Variants in AMN1 observed in about 807,000 individuals in gnomAD.
The protein encoded by AMN1 is antagonist of mitotic exit network 1 homolog.
AMN1 carries 20 observed loss-of-function variants against 33.0 expected under a neutral mutation model. The ratio of observed to expected loss-of-function variants is 0.61; its 90% confidence interval spans 0.43 to 0.88. The LOEUF (loss-of-function observed/expected upper bound fraction) is 0.88. AMN1 is among the 40% of genes least tolerant of loss of function. AMN1 has a pLI of 0.00. For missense variants in AMN1, 246 were observed against 307.4 expected, an observed-to-expected ratio of 0.80 and a Z score of 1.49; for synonymous variants, 114 against 111.9, an observed-to-expected ratio of 1.02 and a Z score of -0.12.
At chr12:31,676,507 A>G (rs866225454) in intron 6 of AMN1, among the ~76,000 whole-genome samples, 8 of 150,940 alleles carry the variant, frequency 5.3e-5, no homozygotes, top group African/African-American at 1.5e-4. Flanking sequence ...TATTTTTAGT[A>G]GAGATGGGGT....
chr12:31,675,558 T>G (rs574174507), intron 6 of AMN1, among the ~76,000 whole-genome samples: 2 of 151,618 alleles, frequency 1.3e-5, no homozygotes, highest in East Asian at 3.9e-4. Flanking sequence ...TTCAATGATG[T>G]GATCTTGGCT....
intron 6 of AMN1, among the ~76,000 whole-genome samples, chr12:31,680,181 A>AC (rs1429426613): frequency 2.7e-5 from 4 of 148,974 alleles, no homozygotes; most frequent in African/African-American, 1.0e-4. Context: ...TGTAACATCT[A>AC]TAAAACTATA....
At chr12:31,718,919 A>G (rs1263225974) in intron 1 of AMN1, among the ~76,000 whole-genome samples, 1 of 152,226 alleles carries the variant, frequency 6.6e-6, no homozygotes, top group Non-Finnish European at 1.5e-5. Flanking sequence ...CCCCCCGCCA[A>G]GCTCCCACAT....
rs1951288943 is a variant in AMN1, at chr12:31,672,280, G to A, written c.*24C>T. 6.5e-7 allele frequency: 1 copy of A among 1,530,202 alleles called. No homozygotes were observed. Among genetic ancestry groups the A allele is most frequent in the Admixed American group, 1.9e-5 (1 of 52,358 alleles). 94.8% of individuals were successfully genotyped at this position (1,530,202 alleles called of 1,614,324 possible). On this transcript the variant is annotated 3_prime_UTR_variant, in exon 7 of 7. Transcript: ENST00000281471. ...AAAGTAGTTTTGATAAGCTTTCCTA[G>A]CATTGATCATCTTCAAAAAAGCATC...
At chr12:31,709,266 T>C in intron 2 of AMN1, 27 bp downstream of exon 2, 1 of 1,608,554 alleles carries the variant, frequency 6.2e-7, no homozygotes, top group Non-Finnish European at 8.5e-7. Flanking sequence ...TATAATATGC[T>C]TGCTTTACAG....
chr12:31,727,944 G>T (rs1433693177), intron 1 of AMN1, among the ~76,000 whole-genome samples: 2 of 152,090 alleles, frequency 1.3e-5, no homozygotes, highest in African/African-American at 4.8e-5. Context: ...TGCTGGCTAG[G>T]CTGGTCTCCA....
At chr12:31,697,310 A>G in intron 5 of AMN1, 51 bp downstream of exon 5, 1 of 1,504,816 alleles carries the variant, frequency 6.6e-7, no homozygotes, top group Non-Finnish European at 9.2e-7. Flanking sequence ...CATAATTTCT[A>G]AGAATATAAA....
At chr12:31,717,526 G>T (rs191418888) in intron 1 of AMN1, among the ~76,000 whole-genome samples, 1 of 152,308 alleles carries the variant, frequency 6.6e-6, no homozygotes, top group Non-Finnish European at 1.5e-5. Context: ...TCGTTATGAA[G>T]AAAGATTAAA....
intron 2 of AMN1, among the ~76,000 whole-genome samples, chr12:31,708,334 T>C (rs148137417): frequency 2.2e-4 from 33 of 152,244 alleles, no homozygotes; most frequent in Non-Finnish European, 3.7e-4. Context: ...GTCTGTCCTA[T>C]GCGGTTGAGA....
intron 1 of AMN1, among the ~76,000 whole-genome samples, chr12:31,711,841 CCTCT>C (rs1322874314): frequency 2.0e-5 from 3 of 152,118 alleles, no homozygotes; most frequent in East Asian, 3.8e-4. Flanking sequence ...CATTAATCAA[CCTCT>C]CTCTATGCCG....
chr12:31,700,978 C>G (rs1270562289), intron 3 of AMN1, among the ~76,000 whole-genome samples: 2 of 151,580 alleles, frequency 1.3e-5, no homozygotes, highest in African/African-American at 4.9e-5. Context: ...CGTGAGCCAA[C>G]ACGCCTGGCC....
chr12:31,696,404 G>A (rs1240433500), intron 5 of AMN1, among the ~76,000 whole-genome samples: 1 of 151,850 alleles, frequency 6.6e-6, no homozygotes, highest in Non-Finnish European at 1.5e-5. Context: ...GCACCACTGT[G>A]CCCTATTAAA....
chr12:31,719,450 C>A (rs1403509689), intron 1 of AMN1: 1 of 260,246 alleles, frequency 3.8e-6, no homozygotes, highest in Non-Finnish European at 6.0e-6. Context: ...TACAATTATA[C>A]ACATATAAAA....
chr12:31,675,804 G>A (rs774225881), intron 6 of AMN1, among the ~76,000 whole-genome samples: 4 of 151,684 alleles, frequency 2.6e-5, no homozygotes, highest in Non-Finnish European at 4.4e-5. Flanking sequence ...ACCGTTACCC[G>A]CCAGGATGTC....
Position 31,709,295 on chromosome 12 carries a change from C to T in AMN1, c.169G>A (p.Glu57Lys). The T allele has an allele frequency of 6.2e-7, 1 of 1,613,318 alleles. No homozygotes were observed. The highest frequency in any genetic ancestry group is 1.1e-5 in the South Asian group (1 of 90,996). The change falls in exon 2 of 7, where the codon GAG becomes AAG. Residue 57 changes from glutamate to lysine, a missense_variant and splice_region_variant. By Grantham distance (56) the Glu-to-Lys change is moderately conservative. Transcript: ENST00000281471. Reference protein sequence around the residue: ...QGQITDSNISEILHPEVQTLD... With the variant: ...QGQITDSNISKILHPEVQTLD... ...TTTACAGTTATTCATACTCTTACCT[C>T]ACTTATATTTGAATCTGTTATCTGT...
At chr12:31,716,344 C>A (rs182785165) in intron 1 of AMN1, among the ~76,000 whole-genome samples, 1 of 152,006 alleles carries the variant, frequency 6.6e-6, no homozygotes, top group South Asian at 2.1e-4. Context: ...TTGGTACACA[C>A]GTATCTGTGT....
intron 1 of AMN1, among the ~76,000 whole-genome samples, chr12:31,724,431 T>C (rs1939987586): frequency 6.6e-6 from 1 of 152,290 alleles, no homozygotes; most frequent in East Asian, 1.9e-4. Flanking sequence ...ATTCACATCC[T>C]GGGCAGACAG....
chr12:31,687,861 T>C lies in AMN1; in HGVS notation c.703+1146A>G, dbSNP rs2139670592. ...ATGGTTTCTAGGGTAGGAGGATATA[T>C]ACCATGGCTCTTATACAGGCAAAAT... On this transcript the variant is annotated intron_variant, in intron 6 of 6. Coordinates refer to ENST00000281471, the MANE Select transcript of AMN1 (RefSeq NM_001113402.2). This position sits in a 1 kb window ranked among gnomAD's most constrained non-coding sequence, Gnocchi z 4.1. Among the ~76,000 whole-genome samples the C allele has an allele frequency of 6.6e-6, 1 of 152,250 alleles. No individual in the cohort carries two copies. Among genetic ancestry groups the C allele is most frequent in the Admixed American group, 6.5e-5 (1 of 15,282 alleles).
At position 31,672,042 on chromosome 12, in the gene AMN1, C is replaced by T. The variant is rs1951283622; in HGVS notation, c.*262G>A. ...AGAAACAGAATCCAACACCATAGATCAGAGTTCATGCTAGGATTATCATTT... is the reference window on the plus strand; with the variant it reads ...AGAAACAGAATCCAACACCATAGATTAGAGTTCATGCTAGGATTATCATTT... On this transcript the variant is annotated 3_prime_UTR_variant, in exon 7 of 7. Transcript: ENST00000281471. 1 of 339,524 alleles carries T rather than the reference C, an allele frequency of 2.9e-6. No individual in the cohort carries two copies. The highest frequency in any genetic ancestry group is 5.4e-6 in the Non-Finnish European group (1 of 185,814). The allele number at this position is 339,524 out of a possible 1,614,324, so 21.0% of individuals were successfully genotyped here.
Sources: allele counts gnomAD v4.1 joint callset (sites outside exome capture counted in the v4.1 genomes callset), GRCh38; gene constraint gnomAD v4.1.1; non-coding constraint Gnocchi (gnomAD v3.1); transcripts MANE v1.5; gene names NCBI Gene and HGNC (gene_info 2026-07-23, HGNC 2026-07-21).